The following TPM2 variants were observed in gnomAD, a reference collection of about 807,000 sequenced individuals.
TPM2 encodes tropomyosin 2, also known as tropomyosin beta chain.
Under a neutral mutation model 41.0 loss-of-function variants are expected in TPM2, and 26 were observed. The ratio of observed to expected loss-of-function variants is 0.63; its 90% CI spans 0.46 to 0.88. The LOEUF (loss-of-function observed/expected upper bound fraction) is 0.88, where lower values mean the gene tolerates loss of function less well. TPM2 is among the 40% of genes least tolerant of loss of function. TPM2 has a pLI of 0.00. For synonymous variants in TPM2, 143 were observed against 139.3 expected, an observed-to-expected ratio of 1.03 and a Z score of -0.19; for missense variants, 187 against 355.2, an observed-to-expected ratio of 0.53 and a Z score of 3.81.
chr9:35,683,644 G>C (rs929976989), intron 8 of TPM2, among the ~76,000 whole-genome samples: 2 of 152,244 alleles, frequency 1.3e-5, no homozygotes, highest in Admixed American at 1.3e-4. Flanking sequence ...GTGGGAAAGT[G>C]AAAGGGTTAT....
In TPM2 at chr9:35,685,141, T is replaced by TGGGGGCAGCGGGCAGGGGTCAGAGAAC. The variant is rs1563928658; in HGVS notation, c.563+101_563+127dup. ...TCCTCCTCCAGCTGTCTGGCTCGGCTGGGGGCAGCGGGCAGGGGTCAGAGA... is the reference window on the plus strand; with the variant it reads ...TCCTCCTCCAGCTGTCTGGCTCGGCTGGGGGCAGCGGGCAGGGGTCAGAGAACGGGGGCAGCGGGCAGGGGTCAGAGA... On this transcript the variant is annotated intron_variant, in intron 5 of 8. Coordinates refer to ENST00000645482, the MANE Select transcript of TPM2 (RefSeq NM_003289.4). The surrounding 1 kb of genome is among the most constrained non-coding windows in gnomAD (Gnocchi z 5.0). 1 of 1,614,136 alleles carries TGGGGGCAGCGGGCAGGGGTCAGAGAAC rather than the reference T, an allele frequency of 6.2e-7. No homozygotes were observed. Among genetic ancestry groups the TGGGGGCAGCGGGCAGGGGTCAGAGAAC allele is most frequent in the Non-Finnish European group, 8.5e-7 (1 of 1,180,024 alleles).
At chr9:35,689,117 C>A (rs1825105575) in intron 2 of TPM2, 29 bp downstream of exon 2, 1 of 1,614,048 alleles carries the variant, frequency 6.2e-7, no homozygotes, top group Non-Finnish European at 8.5e-7. Context: ...GCCCTAACTC[C>A]TCCCATTGTC....
chr9:35,682,241 A>G (rs1166134143), downstream of TPM2: 2 of 1,456,986 alleles, frequency 1.4e-6, no homozygotes, highest in Non-Finnish European at 1.9e-6. Flanking sequence ...GGGGAAGGTG[A>G]CATATAGACA....
chr9:35,684,234 G>T lies in TPM2; in HGVS notation c.772+12C>A. 5 of 1,613,712 alleles carry T rather than the reference G, an allele frequency of 3.1e-6. No homozygotes were observed. Among genetic ancestry groups the T allele is most frequent in the Non-Finnish European group, 4.2e-6 (5 of 1,179,646 alleles). On this transcript the variant is annotated intron_variant, in intron 8 of 8. Coordinates refer to ENST00000645482, the MANE Select transcript of TPM2 (RefSeq NM_003289.4). ...CGGCAGGTGTGGACCTACTTATAAA[G>T]GCTTCTTTTACCTTCTAGGTCATCG...
Position 35,685,812 on chromosome 9 carries a change from C to T in TPM2, c.241-32G>A. ...GTCAGAGGTCAGGGGTCAAAAAGGC[C>T]TTGTTAGCCTTGGATAAGGATCAGA... On this transcript the variant is annotated intron_variant, in intron 2 of 8. Coordinates refer to ENST00000645482, the MANE Select transcript of TPM2 (RefSeq NM_003289.4). This position sits in a 1 kb window ranked among gnomAD's most constrained non-coding sequence, Gnocchi z 5.0. 1 of 1,613,670 alleles carries T rather than the reference C, an allele frequency of 6.2e-7. No individual in the cohort carries two copies. Among genetic ancestry groups the T allele is most frequent in the South Asian group, 1.1e-5 (1 of 91,050 alleles).
chr9:35,689,274 G>A lies in TPM2; in HGVS notation c.115-3C>T, dbSNP rs752377863. The A allele has an allele frequency of 1.9e-6, 3 of 1,614,050 alleles. No individual in the cohort carries two copies. The highest frequency in any genetic ancestry group is 3.3e-5 in the Admixed American group (2 of 60,036). On this transcript the variant is annotated splice_polypyrimidine_tract_variant and splice_region_variant and intron_variant, in intron 1 of 8. Transcript: ENST00000645482. ...AGGGCCTGCTGCTCCTCCTCCAGCTGGGACAGAGGGGACTTGGTCAGCCAG... is the reference window on the plus strand; with the variant it reads ...AGGGCCTGCTGCTCCTCCTCCAGCTAGGACAGAGGGGACTTGGTCAGCCAG...
intron 2 of TPM2, among the ~76,000 whole-genome samples, chr9:35,687,241 G>C (rs1824972531): frequency 1.3e-5 from 2 of 152,090 alleles, no homozygotes; most frequent in Admixed American, 6.5e-5. Flanking sequence ...TAGGGCGGGG[G>C]CTTGGGAATC....
upstream of TPM2, chr9:35,689,987 A>G: frequency 6.7e-7 from 1 of 1,484,564 alleles, no homozygotes; most frequent in Non-Finnish European, 8.9e-7. Flanking sequence ...GCCGGCAACC[A>G]GGACCCTCCC....
Position 35,682,984 on chromosome 9 carries a change from G to A in TPM2, c.*175C>T. On this transcript the variant is annotated 3_prime_UTR_variant, in exon 9 of 9. Transcript: ENST00000645482. Reference sequence around the variant, plus strand: ...AGGAGGGTGGAAGGGGATAGGTAAAGGATGAAGCCAGTGCCAGAGTGGGTG... The same window carrying A: ...AGGAGGGTGGAAGGGGATAGGTAAAAGATGAAGCCAGTGCCAGAGTGGGTG... The A allele has an allele frequency of 6.5e-7, 1 of 1,531,418 alleles. No individual in the cohort carries two copies. Among genetic ancestry groups the A allele is most frequent in the Non-Finnish European group, 8.8e-7 (1 of 1,136,328 alleles). The allele number at this position is 1,531,418 out of a possible 1,614,324, so 94.9% of individuals were successfully genotyped here.
rs1071716 is a variant in TPM2 at position 35,685,138 on chromosome 9, G to A, written c.563+131C>T. The stretch of plus-strand genomic sequence containing the variant: ...AGTTCCTCCTCCAGCTGTCTGGCTC[G>A]GCTGGGGGCAGCGGGCAGGGGTCAG... On this transcript the variant is annotated intron_variant, in intron 5 of 8. Coordinates refer to ENST00000645482, the MANE Select transcript of TPM2 (RefSeq NM_003289.4). This position sits in a 1 kb window ranked among gnomAD's most constrained non-coding sequence, Gnocchi z 5.0. 5.0e-6 allele frequency: 8 copies of A among 1,614,012 alleles called. No homozygotes were observed. The African/African-American group carries it at 6.7e-5, about 13-fold the overall frequency.
downstream of TPM2, chr9:35,682,206 G>C (rs369992099): frequency 7.1e-5 from 113 of 1,596,120 alleles, no homozygotes; most frequent in South Asian, 7.3e-4. Flanking sequence ...GAGACACAAG[G>C]GGGAGACGTG....
Position 35,687,743 on chromosome 9 carries a change from G to A in TPM2, c.240+1403C>T, listed in dbSNP as rs552324718. ...TACTACCCTAGAGAGAGGTGAGACT[G>A]TAAAAGAAAAACTCTGCATGATGGT... On this transcript the variant is annotated intron_variant, in intron 2 of 8. Coordinates refer to ENST00000645482, the MANE Select transcript of TPM2 (RefSeq NM_003289.4). Among the ~76,000 whole-genome samples the A allele has an allele frequency of 4.0e-5, 6 of 150,542 alleles. No homozygotes were observed. In the East Asian group the frequency reaches 9.8e-4, roughly 25 times the overall value.
Position 35,684,826 on chromosome 9 carries a change from G to GGC in TPM2, c.564-20_564-19insGC, listed in dbSNP as rs1587956496. On this transcript the variant is annotated intron_variant, in intron 5 of 8. Transcript: ENST00000645482. ...ACATTTACTGCAGGGGGTGTGTGGC[G>GGC]GGGGGGGCAGGGTGTGAGGGCACAG... 1.4e-6 allele frequency: 2 copies of GGC among 1,473,904 alleles called. No homozygotes were observed. Among genetic ancestry groups the GGC allele is most frequent in the East Asian group, 5.0e-5 (2 of 40,290 alleles). 91.3% of individuals were successfully genotyped at this position (1,473,904 alleles called of 1,614,324 possible).
Position 35,684,454 on chromosome 9 carries a change from G to A in TPM2, c.702+34C>T, listed in dbSNP as rs947067088. On this transcript the variant is annotated intron_variant, in intron 7 of 8. Transcript: ENST00000645482. ...TCTCTGGCAAGGATTAGGGTGGCTT[G>A]AGGGGAGACTGGGAACTGGAAGAGG... 2.5e-6 allele frequency: 4 copies of A among 1,613,876 alleles called. No individual in the cohort carries two copies. In the Middle Eastern group the frequency reaches 6.6e-4, roughly 266 times the overall value.
At chr9:35,686,699 G>A (rs529697830) in intron 2 of TPM2, among the ~76,000 whole-genome samples, 7 of 149,744 alleles carry the variant, frequency 4.7e-5, no homozygotes, top group Non-Finnish European at 1.0e-4. Flanking sequence ...CTGTAAGGCA[G>A]ACTCCCAGCA....
intron 1 of TPM2, 103 bp downstream of exon 1, chr9:35,689,601 G>A: frequency 6.3e-7 from 1 of 1,587,784 alleles, no homozygotes; most frequent in Admixed American, 1.7e-5. Flanking sequence ...CCCTGGGTGA[G>A]AGAGAGCCTT....
In TPM2 at chr9:35,685,921, C is replaced by G. The variant is rs148837128; in HGVS notation, c.241-141G>C. On this transcript the variant is annotated intron_variant, in intron 2 of 8. Coordinates refer to ENST00000645482, the MANE Select transcript of TPM2 (RefSeq NM_003289.4). The surrounding 1 kb of genome is among the most constrained non-coding windows in gnomAD (Gnocchi z 5.0). ...GACATTCTATGTGATTTTTCCCCAACCAATCATCTTCTGCCCAGACTGTGC... is the reference window on the plus strand; with the variant it reads ...GACATTCTATGTGATTTTTCCCCAAGCAATCATCTTCTGCCCAGACTGTGC... 1 of 1,408,988 alleles carries G rather than the reference C, an allele frequency of 7.1e-7. No homozygotes were observed. The highest frequency in any genetic ancestry group is 1.2e-5 in the South Asian group (1 of 81,414). The allele number at this position is 1,408,988 out of a possible 1,614,324, so 87.3% of individuals were successfully genotyped here. A position where few individuals can be genotyped will look rare whatever the true frequency, so the allele number is the denominator to read the frequency against.
chr9:35,683,209 C>T lies in TPM2; in HGVS notation c.805G>A (p.Ala269Thr). The T allele has an allele frequency of 1.3e-6, 2 of 1,555,862 alleles. No individual in the cohort carries two copies. Among genetic ancestry groups the T allele is most frequent in the South Asian group, 2.4e-5 (2 of 84,926 alleles). ...GCGTTGTCCAGTTCCTCGCTAATGG[C>T]CTTGTACTTCATCTTCTGGGCATAG... ...EVYAQKMKYKAISEELDNALN... is the reference protein window; with the variant it reads ...EVYAQKMKYKTISEELDNALN... Residue 269 changes from alanine to threonine, a missense_variant, in exon 9 of 9, where the codon GCC (alanine) becomes ACC (threonine). Coordinates refer to ENST00000645482, the MANE Select transcript of TPM2 (RefSeq NM_003289.4).
rs1563931918 is a variant in TPM2 at position 35,689,250 on chromosome 9, G to A, written c.136C>T (p.Leu46Phe). The change falls in exon 2 of 9, where the codon CTC becomes TTC. Residue 46 changes from leucine to phenylalanine, a missense_variant. By Grantham distance (22) the Leu-to-Phe change is conservative (BLOSUM62 0). Coordinates refer to ENST00000645482, the MANE Select transcript of TPM2 (RefSeq NM_003289.4). ...TCTGTCCCCTTCAGCTTCTTCTGGA[G>A]GGCCTGCTGCTCCTCCTCCAGCTGG... ...CKQLEEEQQA[L>F]QKKLKGTEDE... 1.2e-6 allele frequency: 2 copies of A among 1,614,224 alleles called. No individual in the cohort carries two copies. The highest frequency in any genetic ancestry group is 1.7e-6 in the Non-Finnish European group (2 of 1,180,034).
Sources: allele counts gnomAD v4.1 joint callset (sites outside exome capture counted in the v4.1 genomes callset), GRCh38; gene constraint gnomAD v4.1.1; non-coding constraint Gnocchi (gnomAD v3.1); transcripts MANE v1.5; gene names NCBI Gene and HGNC (gene_info 2026-07-23, HGNC 2026-07-21).